Variants in TRIQK observed in about 807,000 individuals in gnomAD.
TRIQK encodes triple QxxK/R motif containing.
TRIQK carries 10 observed loss-of-function variants against 10.8 expected under a neutral mutation model. The ratio of observed to expected loss-of-function variants is 0.92; its 90% CI spans 0.57 to 1.57. TRIQK has a LOEUF of 1.57. Among genes scored for constraint, TRIQK ranks in the 40% most tolerant of loss-of-function variants. The pLI, the probability that TRIQK is intolerant of heterozygous loss-of-function variation, is 0.00. For synonymous variants in TRIQK, 33 were observed against 33.7 expected, an observed-to-expected ratio of 0.98 and a Z score of 0.07; for missense variants, 107 against 97.7, an observed-to-expected ratio of 1.09 and a Z score of -0.40.
In TRIQK at chr8:92,902,685, CTATA is replaced by C. The variant is rs888028345; in HGVS notation, c.62-10615_62-10612del. Among the ~76,000 whole-genome samples, 20 of 152,106 alleles carry C rather than the reference CTATA, an allele frequency of 1.3e-4. No individual in the cohort carries two copies. In the East Asian group the frequency reaches 3.9e-3, roughly 29 times the overall value. The stretch of plus-strand genomic sequence containing the variant: ...ATCAGGTTAATTTCTTATATATAGC[CTATA>C]TTTAAGTAATTTTATAAAATTTCAA... On this transcript the variant is annotated intron_variant, in intron 3 of 4. Transcript: ENST00000521988.
chr8:92,917,594 A>G (rs1586420238), intron 2 of TRIQK, among the ~76,000 whole-genome samples: 1 of 151,870 alleles, frequency 6.6e-6, no homozygotes, highest in African/African-American at 2.4e-5. Context: ...TAATCTACCT[A>G]TTTTTATTGA....
chr8:92,950,765 T>C lies in TRIQK; in HGVS notation c.-22+3641A>G, dbSNP rs191204697. Among the ~76,000 whole-genome samples the C allele has an allele frequency of 2.5e-3, 378 of 152,210 alleles. 2 individuals carry two copies. The highest frequency in any genetic ancestry group is 7.9e-3 in the African/African-American group (328 of 41,550). On this transcript the variant is annotated intron_variant, in intron 2 of 4. Coordinates refer to ENST00000521988, the MANE Select transcript of TRIQK (RefSeq NM_001171797.2). Reference sequence around the variant, plus strand: ...CATAATAGCAAACAAGAAATAAAATTTTAGAAAAGCCCTTATAGTACATTC... The same window carrying C: ...CATAATAGCAAACAAGAAATAAAATCTTAGAAAAGCCCTTATAGTACATTC...
At chr8:92,925,601 A>G (rs1387667099) in intron 2 of TRIQK, among the ~76,000 whole-genome samples, 1 of 152,202 alleles carries the variant, frequency 6.6e-6, no homozygotes, top group Non-Finnish European at 1.5e-5. Flanking sequence ...TTCAGCAAAT[A>G]AGATATATAA....
chr8:92,990,395 T>C (rs1813084220), intron 1 of TRIQK, among the ~76,000 whole-genome samples: 1 of 152,190 alleles, frequency 6.6e-6, no homozygotes, highest in African/African-American at 2.4e-5. Context: ...TTTTTTTGGT[T>C]ACACTTGCCA....
chr8:92,956,646 T>C (rs151077117), intron 1 of TRIQK, among the ~76,000 whole-genome samples: 278 of 151,938 alleles, frequency 1.8e-3, no homozygotes, highest in Non-Finnish European at 3.3e-3. Context: ...TTTTAGATTA[T>C]AAAAATGTAA....
chr8:92,953,568 T>C (rs1179451052), intron 2 of TRIQK: 1 of 151,964 alleles, frequency 6.6e-6, no homozygotes, highest in Non-Finnish European at 1.5e-5. Flanking sequence ...ATACAATTGC[T>C]ATATATGGAT....
intron 3 of TRIQK, among the ~76,000 whole-genome samples, chr8:92,897,981 C>T (rs750071240): frequency 6.6e-6 from 1 of 152,048 alleles, no homozygotes; most frequent in Non-Finnish European, 1.5e-5. Context: ...TGCTCGTGCA[C>T]ATGACCTTCT....
upstream of TRIQK, among the ~76,000 whole-genome samples, chr8:92,970,530 G>T (rs904795632): frequency 1.3e-5 from 2 of 152,066 alleles, no homozygotes; most frequent in African/African-American, 4.8e-5. Context: ...TATAGGTTTT[G>T]TTTGCATTTC....
chr8:92,949,866 A>AAGGGAGGG, intron 2 of TRIQK, among the ~76,000 whole-genome samples: 1 of 141,230 alleles, frequency 7.1e-6, no homozygotes, highest in South Asian at 2.6e-4. Flanking sequence ...AAGAGAAAGG[A>AAGGGAGGG]AGGGAGGGAG....
rs542114808 is a variant in TRIQK, at chr8:93,000,105, A to G, written c.-181+17504T>C. Among the ~76,000 whole-genome samples, 4 of 152,308 alleles carry G rather than the reference A, an allele frequency of 2.6e-5. No individual in the cohort carries two copies. In the South Asian group the frequency reaches 8.3e-4, roughly 32 times the overall value. On this transcript the variant is annotated intron_variant, in intron 1 of 4. Transcript: ENST00000520686. ...ATATATTTGTATTCAAAGTATCAAA[A>G]TTTGCATCAAAATATGAAACAGGTA...
rs1816352545 is a variant in TRIQK, at chr8:92,884,226, T to C, written c.*2396A>G. 6.6e-6 allele frequency: 1 copy of C among 152,324 alleles called. No homozygotes were observed. Among genetic ancestry groups the C allele is most frequent in the Non-Finnish European group, 1.5e-5 (1 of 68,298 alleles). 9.4% of individuals were successfully genotyped at this position (152,324 alleles called of 1,614,324 possible). A position where few individuals can be genotyped will look rare whatever the true frequency, so the allele number is the denominator to read the frequency against. ...GTAGGTATTCAAAAGTGTGGTCCCT[T>C]TAAAACAGCAGGCCGGATATCACCT... On this transcript the variant is annotated 3_prime_UTR_variant, in exon 5 of 5. Transcript: ENST00000521988.
chr8:92,990,822 G>A (rs552233095), intron 1 of TRIQK, among the ~76,000 whole-genome samples: 5 of 152,238 alleles, frequency 3.3e-5, no homozygotes, highest in South Asian at 4.1e-4. Context: ...AAAACTGGGC[G>A]GTCATTTGGG....
At chr8:92,996,308 A>G (rs1008532272) in intron 1 of TRIQK, among the ~76,000 whole-genome samples, 1 of 151,880 alleles carries the variant, frequency 6.6e-6, no homozygotes, top group African/African-American at 2.4e-5. Context: ...TTGTACTTTT[A>G]TTTTCCAATG....
intron 1 of TRIQK, among the ~76,000 whole-genome samples, chr8:93,000,620 A>G (rs868097741): frequency 6.6e-5 from 10 of 152,202 alleles, no homozygotes; most frequent in African/African-American, 2.2e-4. Context: ...AATATCTCAA[A>G]TAAGTTGTTA....
rs183324615 is a variant in TRIQK at position 92,972,616 on chromosome 8, C to T, written c.-180-18052G>A. ...ATTATGCCATTTGGCATGTCCCCAT[C>T]CAGGAGGGTAACAACACTATCTTTC... On this transcript the variant is annotated intron_variant, in intron 1 of 4. Coordinates refer to the TRIQK transcript ENST00000520686. 1.5e-4 allele frequency: 23 copies of T among 152,442 alleles called. No homozygotes were observed. In the East Asian group the frequency reaches 4.4e-3, roughly 29 times the overall value. 9.4% of individuals were successfully genotyped at this position (152,442 alleles called of 1,614,324 possible). A position where few individuals can be genotyped will look rare whatever the true frequency, so the allele number is the denominator to read the frequency against.
chr8:92,898,644 A>G (rs1459242024), intron 3 of TRIQK, among the ~76,000 whole-genome samples: 1 of 151,546 alleles, frequency 6.6e-6, no homozygotes, highest in Non-Finnish European at 1.5e-5. Context: ...AGTATGTTGG[A>G]TTTTTACATT....
intron 1 of TRIQK, among the ~76,000 whole-genome samples, chr8:93,005,989 CA>C (rs1414964966): frequency 6.7e-6 from 1 of 149,590 alleles, no homozygotes; most frequent in Non-Finnish European, 1.5e-5. Context: ...ATATAAAAAC[CA>C]GTAGCATTTT....
chr8:92,941,155 C>T (rs923532683), intron 2 of TRIQK: 1 of 152,260 alleles, frequency 6.6e-6, no homozygotes, highest in African/African-American at 2.4e-5. Context: ...CAACCTCCGC[C>T]TCCTGGGTTC....
rs1816440386 is a variant in TRIQK, at chr8:92,885,662, T to C, written c.*960A>G. On this transcript the variant is annotated 3_prime_UTR_variant, in exon 5 of 5. Transcript: ENST00000521988. ...ATGAGGCATATATTTTCTTCTATTA[T>C]TTATTTTCTCCCTAAAGAGTTCTAA... The C allele has an allele frequency of 6.6e-6, 1 of 151,808 alleles. No homozygotes were observed. Among genetic ancestry groups the C allele is most frequent in the Non-Finnish European group, 1.5e-5 (1 of 67,834 alleles). The allele number at this position is 151,808 out of a possible 1,614,324, so 9.4% of individuals were successfully genotyped here. A position where few individuals can be genotyped will look rare whatever the true frequency, so the allele number is the denominator to read the frequency against.
Sources: gnomAD v4.1 joint callset for allele counts (sites outside exome capture counted in the v4.1 genomes callset) on GRCh38, gnomAD v4.1.1 for gene constraint, MANE v1.5 for transcripts, NCBI Gene and HGNC (gene_info 2026-07-23, HGNC 2026-07-21) for gene names.